The following MSLN variants were observed in gnomAD, a reference collection of about 807,000 sequenced individuals.
The protein encoded by MSLN is mesothelin.
MSLN carries 82 observed loss-of-function variants against 72.6 expected under a neutral mutation model. That is an observed-to-expected ratio of 1.13 (90% CI 0.94 to 1.36). The LOEUF (loss-of-function observed/expected upper bound fraction) is 1.36, where lower values mean the gene tolerates loss of function less well. Ranked by LOEUF, MSLN falls within the 40% of genes most tolerant of loss-of-function variation. The probability of loss-of-function intolerance (pLI) is 0.00; values close to 1 mark genes in which losing one functional copy is unlikely to be tolerated. For synonymous variants in MSLN, 456 were observed against 387.3 expected (o/e 1.18, Z -2.08); for missense variants, 1,005 against 847.9 (o/e 1.19, Z -2.30).
chr16:764,698 C>T lies in MSLN; in HGVS notation c.352C>T (p.Leu118Phe). ...LSEPPEDLDA[L>F]PLDLLLFLNP... is the part of the protein sequence containing the mutation. Reference sequence around the variant, plus strand: ...TGAGCCCCCCGAGGACCTGGACGCCCTCCCATTGGACCTGCTGCTATTCCT... The same window carrying T: ...TGAGCCCCCCGAGGACCTGGACGCCTTCCCATTGGACCTGCTGCTATTCCT... The change falls in exon 7 of 18, where the codon CTC (leucine) becomes TTC (phenylalanine). Residue 118 changes from leucine to phenylalanine, a missense_variant. By Grantham distance (22) the Leu-to-Phe change is conservative. Coordinates refer to ENST00000545450, the MANE Select transcript of MSLN (RefSeq NM_005823.6). 1 of 1,612,348 alleles carries T rather than the reference C, an allele frequency of 6.2e-7. No homozygotes were observed. The highest frequency in any genetic ancestry group is 8.5e-7 in the Non-Finnish European group (1 of 1,179,728).
rs767982321 is a variant in MSLN, at chr16:765,215, C to T, written c.616C>T (p.Pro206Ser). 17 of 1,588,086 alleles carry T rather than the reference C, an allele frequency of 1.1e-5. No individual in the cohort carries two copies. The highest frequency in any genetic ancestry group is 1.4e-5 in the Non-Finnish European group (16 of 1,173,312). Residue 206 changes from proline to serine, a missense_variant, in exon 9 of 18, where the codon CCC becomes TCC. Coordinates refer to ENST00000545450, the MANE Select transcript of MSLN (RefSeq NM_005823.6). Reference sequence around the variant, plus strand: ...GGCCGAGTCGGCCGAAGTGCTGCTACCCCGGCTGGTGAGCTGCCCGGGACC... The same window carrying T: ...GGCCGAGTCGGCCGAAGTGCTGCTATCCCGGCTGGTGAGCTGCCCGGGACC... ...FVAESAEVLLPRLVSCPGPLD... is the reference protein window; with the variant it reads ...FVAESAEVLLSRLVSCPGPLD...
At chr16:763,434 G>C (rs2041561635) in intron 4 of MSLN, among the ~76,000 whole-genome samples, 158 bp downstream of exon 4, 1 of 152,154 alleles carries the variant, frequency 6.6e-6, no homozygotes, top group African/African-American at 2.4e-5. Context: ...CCTGGGAGCA[G>C]CCAGGTCCAG....
At chr16:761,892 C>T (rs1037452657) in intron 2 of MSLN, among the ~76,000 whole-genome samples, 25 of 152,248 alleles carry the variant, frequency 1.6e-4, no homozygotes, top group African/African-American at 5.3e-4. Flanking sequence ...TATTCTACTC[C>T]GCCATGGTGG....
In MSLN at chr16:764,952, C is replaced by T; in HGVS notation, c.426C>T (p.Ser142=). ...CCCAGGCCTGCACCCGTTTCTTCTC[C>T]CGCATCACGAAGGCCAATGTGGACC... ...SGPQACTRFF[S]RITKANVDLL... The change falls in exon 8 of 18, where the codon TCC becomes TCT. Residue 142 remains serine (S), a synonymous_variant. Transcript: ENST00000545450. 1 of 1,612,458 alleles carries T rather than the reference C, an allele frequency of 6.2e-7. No individual in the cohort carries two copies. Among genetic ancestry groups the T allele is most frequent in the Non-Finnish European group, 8.5e-7 (1 of 1,179,782 alleles).
chr16:765,783 A>C lies in MSLN; in HGVS notation c.888A>C (p.Glu296Asp), dbSNP rs2041599455. 2 of 1,598,720 alleles carry C rather than the reference A, an allele frequency of 1.3e-6. No homozygotes were observed. The highest frequency in any genetic ancestry group is 1.7e-6 in the Non-Finnish European group (2 of 1,179,492). The change falls in exon 11 of 18, where the codon GAA (glutamate) becomes GAC (aspartate). Residue 296 changes from glutamate (E) to aspartate (D), a missense_variant. Physicochemically the swap from Glu to Asp is conservative, Grantham distance 45. Transcript: ENST00000545450. ...RTILRPRFRR[E>D]VEKTACPSGK... ...TCCTCCGGCCGCGGTTCCGGCGGGA[A>C]GTGGAGAGTGAGTGCCGTGCCCTGC...
chr16:760,898 T>G (rs956768003), intron 1 of MSLN, 77 bp downstream of exon 1: 1 of 152,314 alleles, frequency 6.6e-6, no homozygotes, highest in African/African-American at 2.4e-5. Flanking sequence ...ACTCGGGACC[T>G]GGAGGGCTGG....
chr16:767,495 TGTGGAGGAGGGGCCC>T (rs759328608), intron 16 of MSLN, 25 bp downstream of exon 16: 173 of 1,173,696 alleles, frequency 1.5e-4, no homozygotes, highest in Admixed American at 2.0e-4. Context: ...AGGAGGGGCG[TGTGGAGGAGGGGCCC>T]GTGGAGGAGG....
At position 768,552 on chromosome 16, in the gene MSLN, C is replaced by T. The variant is rs769915629; in HGVS notation, c.1770C>T (p.Asp590=). The T allele has an allele frequency of 7.5e-6, 12 of 1,606,972 alleles. No homozygotes were observed. The highest frequency in any genetic ancestry group is 1.7e-4 in the Middle Eastern group (1 of 6,038). The change falls in exon 17 of 18, where the codon GAC becomes GAT. Residue 590 remains aspartate, a synonymous_variant. Transcript: ENST00000545450. ...TCCCCAACGGCTACCTGGTCCTAGACCTCAGCATGCAAGGTGGGCGGGGCG... is the reference window on the plus strand; with the variant it reads ...TCCCCAACGGCTACCTGGTCCTAGATCTCAGCATGCAAGGTGGGCGGGGCG... ...GGIPNGYLVL[D]LSMQEALSGT...
chr16:765,425 T>C (rs1464037497), intron 9 of MSLN, 102 bp from the exon 10 acceptor site: 5 of 1,412,826 alleles, frequency 3.5e-6, no homozygotes, highest in Non-Finnish European at 3.8e-6. Flanking sequence ...CCCCTGCCAA[T>C]GCCCCCAGCG....
rs775856793 is a variant in MSLN, at chr16:764,701, C to G, written c.355C>G (p.Pro119Ala). 12 of 1,612,254 alleles carry G rather than the reference C, an allele frequency of 7.4e-6. No individual in the cohort carries two copies. The highest frequency in any genetic ancestry group is 1.0e-5 in the Non-Finnish European group (12 of 1,179,674). Residue 119 changes from proline to alanine, a missense_variant, in exon 7 of 18, where the codon CCA becomes GCA. By Grantham distance (27) the Pro-to-Ala change is conservative. Transcript: ENST00000545450. ...GCCCCCCGAGGACCTGGACGCCCTC[C>G]CATTGGACCTGCTGCTATTCCTCAA... Reference protein sequence around the residue: ...SEPPEDLDALPLDLLLFLNPD... With the variant: ...SEPPEDLDALALDLLLFLNPD...
rs377598968 is a variant in MSLN, at chr16:767,005, C to G, written c.1494C>G (p.Ser498=). ...CCGAATACTTCGTGAAGATCCAGTC[C>G]TTCCTGGGTGAGCCAGGGAGTCCCT... ...NGSEYFVKIQ[S]FLGGAPTEDL... The change falls in exon 15 of 18, where the codon TCC becomes TCG. Residue 498 remains serine (S), a synonymous_variant. Coordinates refer to ENST00000545450, the MANE Select transcript of MSLN (RefSeq NM_005823.6). 5.0e-6 allele frequency: 8 copies of G among 1,612,510 alleles called. No homozygotes were observed. Among genetic ancestry groups the G allele is most frequent in the African/African-American group, 1.3e-5 (1 of 74,940 alleles).
chr16:767,013 G>C lies in MSLN; in HGVS notation c.1501+1G>C. On this transcript the variant is annotated splice_donor_variant, in intron 15 of 17. Transcript: ENST00000545450. LOFTEE classifies it high-confidence loss of function. Reference sequence around the variant, plus strand: ...TTCGTGAAGATCCAGTCCTTCCTGGGTGAGCCAGGGAGTCCCTGGCCAGGG... The same window carrying C: ...TTCGTGAAGATCCAGTCCTTCCTGGCTGAGCCAGGGAGTCCCTGGCCAGGG... 1 of 1,604,932 alleles carries C rather than the reference G, an allele frequency of 6.2e-7. No individual in the cohort carries two copies. The highest frequency in any genetic ancestry group is 8.5e-7 in the Non-Finnish European group (1 of 1,178,078).
intron 16 of MSLN, 93 bp from the exon 17 acceptor site, chr16:768,286 G>A: frequency 7.5e-7 from 1 of 1,328,226 alleles, no homozygotes; most frequent in Non-Finnish European, 1.0e-6. Context: ...GCATCTGTGG[G>A]TGGGGCAGTT....
rs139851878 is a variant in MSLN, at chr16:765,740, G to A, written c.845G>A (p.Arg282Gln). The stretch of plus-strand genomic sequence containing the variant: ...CGCTCCTCTCGGGACCCATCCTGGC[G>A]GCAGCCTGAACGGACCATCCTCCGG... ...RQRSSRDPSW[R>Q]QPERTILRPR... The change falls in exon 11 of 18, where the codon CGG becomes CAG. Residue 282 changes from arginine (R) to glutamine (Q), a missense_variant. By Grantham distance (43) the Arg-to-Gln change is conservative. Coordinates refer to ENST00000545450, the MANE Select transcript of MSLN (RefSeq NM_005823.6). 6.0e-5 allele frequency: 96 copies of A among 1,600,736 alleles called. No individual in the cohort carries two copies. Among genetic ancestry groups the A allele is most frequent in the African/African-American group, 1.1e-4 (8 of 74,940 alleles).
chr16:763,119 G>T (rs1042943835), intron 3 of MSLN, 114 bp from the exon 4 acceptor site: 6 of 681,932 alleles, frequency 8.8e-6, no homozygotes, highest in Middle Eastern at 7.7e-4. Flanking sequence ...TCTCTTTGGG[G>T]TGTGCACAGG....
At chr16:764,814 C>T in intron 7 of MSLN, 88 bp downstream of exon 7, 3 of 1,583,650 alleles carry the variant, frequency 1.9e-6, no homozygotes, top group Non-Finnish European at 2.6e-6. Flanking sequence ...GGATCCCAGG[C>T]CACAGCAGAG....
At chr16:767,264 C>T (rs2041627950) in intron 15 of MSLN, 112 bp from the exon 16 acceptor site, 1 of 1,171,418 alleles carries the variant, frequency 8.5e-7, no homozygotes, top group Non-Finnish European at 1.3e-6. Flanking sequence ...GCCCTGGAAT[C>T]CCTAAGGAAA....
chr16:768,533 A>G lies in MSLN; in HGVS notation c.1751A>G (p.Asn584Ser), dbSNP rs201823630. The G allele has an allele frequency of 3.1e-6, 5 of 1,601,996 alleles. No homozygotes were observed. The Admixed American group carries it at 5.1e-5, about 16-fold the overall frequency. Residue 584 changes from asparagine (N) to serine (S), a missense_variant, in exon 17 of 18, where the codon AAC (asparagine) becomes AGC (serine). By Grantham distance (46) the Asn-to-Ser change is conservative. Coordinates refer to ENST00000545450, the MANE Select transcript of MSLN (RefSeq NM_005823.6). ...LGLGLQGGIP[N>S]GYLVLDLSMQ... is the part of the protein sequence containing the mutation. ...CTGGGGCTACAGGGCGGCATCCCCA[A>G]CGGCTACCTGGTCCTAGACCTCAGC... is the stretch of plus-strand genomic sequence containing the variant.
At chr16:765,837 C>T (rs764579684) in intron 11 of MSLN, 47 bp downstream of exon 11, 29 of 1,552,654 alleles carry the variant, frequency 1.9e-5, no homozygotes, top group Admixed American at 5.4e-5. Flanking sequence ...GGGCAGCACC[C>T]CTGGGGGTGG....
Sources: allele counts gnomAD v4.1 joint callset (sites outside exome capture counted in the v4.1 genomes callset), GRCh38; gene constraint gnomAD v4.1.1; transcripts MANE v1.5; gene names NCBI Gene and HGNC (gene_info 2026-07-23, HGNC 2026-07-21).